ABHD17C: variants seen among roughly 807,000 people sequenced by gnomAD.
ABHD17C encodes alpha/beta hydrolase domain-containing protein 17C.
In ABHD17C, 11 loss-of-function variants were observed where a neutral mutation model predicts 27.9. That is an observed-to-expected ratio of 0.39 (90% confidence interval 0.25 to 0.65). The LOEUF is 0.65. Ranked by LOEUF, ABHD17C falls within the 30% of genes least tolerant of loss-of-function variation. ABHD17C has a pLI of 0.45. For synonymous variants in ABHD17C, 233 were observed against 209.1 expected, an observed-to-expected ratio of 1.11 and a Z score of -0.98; for missense variants, 280 against 470.2, an observed-to-expected ratio of 0.60 and a Z score of 3.74.
intron 2 of ABHD17C, among the ~76,000 whole-genome samples, chr15:80,753,034 T>G (rs181806336): frequency 7.2e-4 from 109 of 152,342 alleles, no homozygotes; most frequent in African/African-American, 2.5e-3. Flanking sequence ...GCACTTGCTT[T>G]TATGAAATGG....
intron 1 of ABHD17C, among the ~76,000 whole-genome samples, chr15:80,726,013 T>C (rs931110864): frequency 3.9e-5 from 6 of 152,186 alleles, no homozygotes; most frequent in Non-Finnish European, 7.3e-5. Context: ...TACCCACATA[T>C]TTATTAACAG....
At chr15:80,706,085 T>C (rs1894644666) in intron 1 of ABHD17C, among the ~76,000 whole-genome samples, 1 of 152,240 alleles carries the variant, frequency 6.6e-6, no homozygotes, top group African/African-American at 2.4e-5. Context: ...TCTTTACTTA[T>C]GAGACGATCC....
At chr15:80,713,384 A>ATTTTTTTTTTTTTT (rs1339911224) in intron 1 of ABHD17C, among the ~76,000 whole-genome samples, 1 of 47,436 alleles carries the variant, frequency 2.1e-5, no homozygotes. Flanking sequence ...TTTTTTTTTC[A>ATTTTTTTTTTTTTT]AAATCAGCCT....
intron 1 of ABHD17C, among the ~76,000 whole-genome samples, chr15:80,709,057 CT>C (rs1894691586): frequency 6.6e-6 from 1 of 152,142 alleles, no homozygotes; most frequent in Non-Finnish European, 1.5e-5. Flanking sequence ...GCTGAATCTC[CT>C]TTGCCGGAGC....
intron 1 of ABHD17C, among the ~76,000 whole-genome samples, chr15:80,737,274 T>C (rs962318075): frequency 2.0e-5 from 3 of 152,214 alleles, no homozygotes; most frequent in Admixed American, 2.0e-4. Context: ...AAATCTTACA[T>C]CATGCTTAAA....
intron 1 of ABHD17C, among the ~76,000 whole-genome samples, chr15:80,701,844 T>C (rs1313593625): frequency 2.6e-5 from 4 of 152,190 alleles, no homozygotes; most frequent in African/African-American, 7.2e-5. Context: ...GAAGTAGGCA[T>C]AGTCCGTTTT....
intron 1 of ABHD17C, among the ~76,000 whole-genome samples, chr15:80,720,811 C>A (rs539023323): frequency 6.6e-6 from 1 of 151,700 alleles, no homozygotes; most frequent in South Asian, 2.1e-4. Flanking sequence ...ATCCCAGCTA[C>A]TTGGGAGGCT....
intron 1 of ABHD17C, among the ~76,000 whole-genome samples, chr15:80,741,993 A>G (rs1391471059): frequency 6.6e-6 from 1 of 152,182 alleles, no homozygotes; most frequent in Non-Finnish European, 1.5e-5. Flanking sequence ...GGAGTGGGAC[A>G]ATGTGAGATT....
At chr15:80,722,094 G>C (rs1567034200) in intron 1 of ABHD17C, among the ~76,000 whole-genome samples, 1 of 151,980 alleles carries the variant, frequency 6.6e-6, no homozygotes, top group Non-Finnish European at 1.5e-5. Flanking sequence ...GCATGTCCTG[G>C]ACAGAGTTCT....
intron 1 of ABHD17C, among the ~76,000 whole-genome samples, chr15:80,736,531 T>C (rs997458425): frequency 6.6e-6 from 1 of 152,232 alleles, no homozygotes; most frequent in Non-Finnish European, 1.5e-5. Flanking sequence ...TAAAGTTTAA[T>C]TTTTATTTTT....
At chr15:80,721,582 G>A (rs1421541423) in intron 1 of ABHD17C, among the ~76,000 whole-genome samples, 2 of 152,188 alleles carry the variant, frequency 1.3e-5, no homozygotes, top group African/African-American at 4.8e-5. Context: ...CAAATGTGCC[G>A]TAAATGCTAT....
rs199777624 is a variant in ABHD17C at position 80,732,652 on chromosome 15, A to T, written c.591-16861A>T. 1.1e-4 allele frequency among the ~76,000 whole-genome samples: 16 copies of T among 152,314 alleles called. No homozygotes were observed. The East Asian group carries it at 2.9e-3, about 28-fold the overall frequency. On this transcript the variant is annotated intron_variant, in intron 1 of 2. Transcript: ENST00000258884. ...AAAACAGAAGGTAAGACGGGCACAAAGAGAGGATTAGGCCCAGGAGAACAG... is the reference window on the plus strand; with the variant it reads ...AAAACAGAAGGTAAGACGGGCACAATGAGAGGATTAGGCCCAGGAGAACAG...
chr15:80,714,085 C>T (rs1894770746), intron 1 of ABHD17C, among the ~76,000 whole-genome samples: 1 of 152,160 alleles, frequency 6.6e-6, no homozygotes, highest in Non-Finnish European at 1.5e-5. Context: ...TCCTGAGTAG[C>T]TGGGACTACA....
At chr15:80,736,210 C>CT (rs1353541206) in intron 1 of ABHD17C, among the ~76,000 whole-genome samples, 3 of 152,174 alleles carry the variant, frequency 2.0e-5, no homozygotes, top group African/African-American at 4.8e-5. Flanking sequence ...CAATAGAAGT[C>CT]TGTTTGTGAA....
Position 80,711,891 on chromosome 15 carries a change from T to C in ABHD17C, c.590+15872T>C, listed in dbSNP as rs191752127. On this transcript the variant is annotated intron_variant, in intron 1 of 2. Coordinates refer to ENST00000258884, the MANE Select transcript of ABHD17C (RefSeq NM_021214.2). ...GGACTTGTCCCTTCATTTGCAACTC[T>C]TTTTTGAAAAGTTCTAGGTAGAATG... is the stretch of plus-strand genomic sequence containing the variant. 1.7e-3 allele frequency among the ~76,000 whole-genome samples: 255 copies of C among 152,358 alleles called. 2 individuals are homozygous for C. Among genetic ancestry groups the C allele is most frequent in the African/African-American group, 6.0e-3 (249 of 41,586 alleles).
chr15:80,695,355 G>C lies in ABHD17C; in HGVS notation c.-75G>C, dbSNP rs1894474968. 9.9e-7 allele frequency: 1 copy of C among 1,012,168 alleles called. No individual in the cohort carries two copies. Among genetic ancestry groups the C allele is most frequent in the South Asian group, 3.8e-5 (1 of 26,184 alleles). 62.7% of individuals were successfully genotyped at this position (1,012,168 alleles called of 1,614,324 possible). ...GCTCGCCTGCCAGCTCCCTCGCCGC[G>C]CGTCCGTCCTCCGTCCTCCCGGGCC... On this transcript the variant is annotated 5_prime_UTR_variant, in exon 1 of 3. Coordinates refer to ENST00000258884, the MANE Select transcript of ABHD17C (RefSeq NM_021214.2). This position sits in a 1 kb window ranked among gnomAD's most constrained non-coding sequence, Gnocchi z 4.3.
intron 1 of ABHD17C, among the ~76,000 whole-genome samples, chr15:80,744,521 GA>G (rs1340360946): frequency 6.6e-6 from 1 of 152,152 alleles, no homozygotes; most frequent in Non-Finnish European, 1.5e-5. Context: ...GTATAGTAAA[GA>G]CAGGAAAAAG....
rs542402573 is a variant in ABHD17C, at chr15:80,717,492, C to G, written c.590+21473C>G. 2.3e-3 allele frequency among the ~76,000 whole-genome samples: 344 copies of G among 151,582 alleles called. 4 individuals carry two copies. The highest frequency in any genetic ancestry group is 7.9e-3 in the African/African-American group (327 of 41,298). On this transcript the variant is annotated intron_variant, in intron 1 of 2. Transcript: ENST00000258884. ...CACTGCAACCTCTGCTTCCCAGTTT[C>G]AAGCGATTCTCATGCCTCAGCCACC...
chr15:80,737,643 A>T (rs910326535), intron 1 of ABHD17C, among the ~76,000 whole-genome samples: 2 of 152,206 alleles, frequency 1.3e-5, no homozygotes, highest in Non-Finnish European at 2.9e-5. Flanking sequence ...GTCATTAAGC[A>T]TCTGAGTGGA....
Sources: gnomAD v4.1 joint callset for allele counts (sites outside exome capture counted in the v4.1 genomes callset) on GRCh38, gnomAD v4.1.1 for gene constraint, Gnocchi (gnomAD v3.1) non-coding constraint, MANE v1.5 for transcripts, NCBI Gene and HGNC (gene_info 2026-07-23, HGNC 2026-07-21) for gene names.